The following DPP6 variants were observed in gnomAD, a reference collection of about 807,000 sequenced individuals.
The protein encoded by DPP6 is A-type potassium channel modulatory protein DPP6.
DPP6 carries 69 observed loss-of-function variants against 122.6 expected under a neutral mutation model. The observed-to-expected ratio is 0.56, with a 90% CI of 0.46 to 0.69. The LOEUF (loss-of-function observed/expected upper bound fraction) is 0.69. DPP6 is among the 30% of genes least tolerant of loss of function. The pLI, the probability that DPP6 is intolerant of heterozygous loss-of-function variation, is 0.00. For missense variants in DPP6, 928 were observed against 1,116.9 expected (o/e 0.83, Z 2.41); for synonymous variants, 418 against 433.1 (o/e 0.97, Z 0.43).
the DPP6 span, among the ~76,000 whole-genome samples, chr7:153,816,073 T>C: frequency 6.6e-6 from 1 of 151,828 alleles, no homozygotes; most frequent in African/African-American, 2.4e-5. Context: ...TTGTGTGTTA[T>C]AGAAACTAAG....
At chr7:154,060,653 C>A (rs1248374289) in intron 1 of DPP6, among the ~76,000 whole-genome samples, 5,038 of 97,440 alleles carry the variant, frequency 0.052, 5 homozygotes, top group African/African-American at 0.12. Context: ...AGGCACCCCC[C>A]ACGAGAGTGG....
intron 16 of DPP6, among the ~76,000 whole-genome samples, chr7:154,845,568 C>A (rs541387000): frequency 6.6e-6 from 1 of 152,180 alleles, no homozygotes; most frequent in African/African-American, 2.4e-5. Context: ...ACGTAAATGG[C>A]GAGTTGATGG....
intron 1 of DPP6, among the ~76,000 whole-genome samples, chr7:154,135,590 T>G (rs565676242): frequency 6.6e-6 from 1 of 152,126 alleles, no homozygotes; most frequent in Admixed American, 6.5e-5. Flanking sequence ...CTCTGTGCAA[T>G]TCCTGTGAGC....
chr7:153,932,246 G>C (rs1421370350), intron 1 of DPP6, among the ~76,000 whole-genome samples: 1 of 151,096 alleles, frequency 6.6e-6, no homozygotes, highest in Non-Finnish European at 1.5e-5. Flanking sequence ...TCGGCCTCCT[G>C]TGTAGCTGGG....
chr7:154,196,206 TGGGCC>T (rs980063301), intron 1 of DPP6, among the ~76,000 whole-genome samples: 1 of 152,114 alleles, frequency 6.6e-6, no homozygotes, highest in African/African-American at 2.4e-5. Flanking sequence ...AACTTACAAA[TGGGCC>T]GGGCACGGTG....
At chr7:153,803,455 C>T in the DPP6 span, among the ~76,000 whole-genome samples, 1 of 140,082 alleles carries the variant, frequency 7.1e-6, no homozygotes, top group Non-Finnish European at 1.5e-5. Context: ...CCCTTTCTGC[C>T]CCTGCCTACC....
intron 1 of DPP6, among the ~76,000 whole-genome samples, chr7:153,941,030 G>A (rs1801672874): frequency 2.0e-5 from 3 of 152,032 alleles, no homozygotes; most frequent in Non-Finnish European, 2.9e-5. Context: ...GAAACTAACC[G>A]CGGACAGAAT....
chr7:153,761,623 G>A, the DPP6 span, among the ~76,000 whole-genome samples: 5 of 151,906 alleles, frequency 3.3e-5, no homozygotes, highest in East Asian at 1.9e-4. Flanking sequence ...ACACAGTTAC[G>A]TGTGTATCAC....
chr7:154,025,187 G>A (rs1295362442), intron 1 of DPP6, among the ~76,000 whole-genome samples: 3 of 151,438 alleles, frequency 2.0e-5, no homozygotes, highest in East Asian at 3.9e-4. Context: ...GTGCTTTCTA[G>A]AGGGATATAA....
intron 1 of DPP6, among the ~76,000 whole-genome samples, chr7:154,253,887 G>T: frequency 6.6e-6 from 1 of 152,338 alleles, no homozygotes; most frequent in East Asian, 1.9e-4. Context: ...GGGAGGTAAA[G>T]GGGAAGCAAC....
chr7:154,706,842 A>G (rs1399191551), intron 7 of DPP6, among the ~76,000 whole-genome samples: 1 of 152,184 alleles, frequency 6.6e-6, no homozygotes, highest in Admixed American at 6.5e-5. Flanking sequence ...TGGGTGGGTG[A>G]CTCTGAAAAG....
chr7:154,826,043 C>T (rs1800120515), intron 16 of DPP6, among the ~76,000 whole-genome samples: 1 of 152,214 alleles, frequency 6.6e-6, no homozygotes, highest in Non-Finnish European at 1.5e-5. Context: ...AAGGGAATTA[C>T]TTCACCCTAC....
chr7:154,252,235 T>TGTGTGC (rs60245069), intron 1 of DPP6, among the ~76,000 whole-genome samples: 42 of 149,444 alleles, frequency 2.8e-4, no homozygotes, highest in East Asian at 2.3e-3. Context: ...TGTGTGTGTG[T>TGTGTGC]GCGCGCATGC....
upstream of DPP6, among the ~76,000 whole-genome samples, chr7:153,883,540 C>A (rs1798813242): frequency 6.6e-6 from 1 of 152,114 alleles, no homozygotes; most frequent in Non-Finnish European, 1.5e-5. Context: ...CCACCATGCC[C>A]AGCTAATTTT....
intron 5 of DPP6, among the ~76,000 whole-genome samples, chr7:154,613,129 C>T (rs1834013648): frequency 6.6e-6 from 1 of 152,192 alleles, no homozygotes; most frequent in Non-Finnish European, 1.5e-5. Flanking sequence ...ATCTAATCCT[C>T]ATTACCTCCT....
the DPP6 span, among the ~76,000 whole-genome samples, chr7:153,875,174 A>G: frequency 6.6e-6 from 1 of 152,224 alleles, no homozygotes; most frequent in Admixed American, 6.5e-5. Flanking sequence ...TAATGACTGT[A>G]TAAGAGTGCA....
chr7:154,394,477 G>A (rs1814904518), intron 1 of DPP6, among the ~76,000 whole-genome samples: 1 of 115,944 alleles, frequency 8.6e-6, no homozygotes, highest in African/African-American at 3.3e-5. Context: ...TTCTCTATTT[G>A]TTAATTCCTT....
intron 1 of DPP6, among the ~76,000 whole-genome samples, chr7:154,412,740 C>T (rs919800407): frequency 1.3e-5 from 2 of 152,056 alleles, no homozygotes; most frequent in African/African-American, 4.8e-5. Flanking sequence ...CAATGCCGCC[C>T]AATCCGAGTG....
chr7:154,733,916 C>T (rs1332812626), intron 8 of DPP6, among the ~76,000 whole-genome samples: 1 of 152,188 alleles, frequency 6.6e-6, no homozygotes, highest in African/African-American at 2.4e-5. Context: ...ATTCATGACA[C>T]GTTAGATATG....
Sources: gnomAD v4.1 joint callset for allele counts (sites outside exome capture counted in the v4.1 genomes callset) on GRCh38, gnomAD v4.1.1 for gene constraint, MANE v1.5 for transcripts, NCBI Gene and HGNC (gene_info 2026-07-23, HGNC 2026-07-21) for gene names.